Variants in RNF111 observed in about 807,000 individuals in gnomAD.
RNF111 encodes the protein ring finger protein 111.
RNF111 carries 17 observed loss-of-function variants against 95.1 expected under a neutral mutation model. The observed-to-expected ratio is 0.18, with a 90% CI of 0.12 to 0.27. The LOEUF is 0.27. RNF111 is among the 10% of genes least tolerant of loss of function. The pLI is 1.00. For missense variants in RNF111, 1,189 were observed against 1,210.4 expected (o/e 0.98, Z 0.26); for synonymous variants, 440 against 414.8 (o/e 1.06, Z -0.74).
chr15:59,007,065 C>T (rs574086553), intron 1 of RNF111, among the ~76,000 whole-genome samples: 35 of 152,342 alleles, frequency 2.3e-4, no homozygotes, highest in African/African-American at 7.9e-4. Context: ...GAATTCCAGG[C>T]TGTTTACAGT....
chr15:59,046,437 C>T (rs2041713259), intron 2 of RNF111, among the ~76,000 whole-genome samples: 1 of 152,192 alleles, frequency 6.6e-6, no homozygotes, highest in South Asian at 2.1e-4. Flanking sequence ...AAGTGATCTG[C>T]CCACCTCAGC....
At position 59,030,983 on chromosome 15, in the gene RNF111, A is replaced by G; in HGVS notation, c.161A>G (p.Glu54Gly). ...GAAKSFPAGV[E>G]MINSKVGNEF... ...GCCAAAAGTTTTCCTGCAGGAGTTGAGATGATTAATAGTAAAGTGGGGAAT... is the reference window on the plus strand; with the variant it reads ...GCCAAAAGTTTTCCTGCAGGAGTTGGGATGATTAATAGTAAAGTGGGGAAT... Residue 54 changes from glutamate to glycine, a missense_variant, in exon 2 of 14, where the codon GAG (glutamate) becomes GGG (glycine). This residue lies in a region of RNF111 where 1,024 missense variants were observed against 925.9 expected (regional missense o/e 1.11). Transcript: ENST00000348370. 1 of 1,614,184 alleles carries G rather than the reference A, an allele frequency of 6.2e-7. No individual in the cohort carries two copies. The highest frequency in any genetic ancestry group is 1.1e-5 in the South Asian group (1 of 91,082).
intron 6 of RNF111, among the ~76,000 whole-genome samples, chr15:59,068,060 T>C (rs2042743457): frequency 6.6e-6 from 1 of 152,200 alleles, no homozygotes; most frequent in Admixed American, 6.5e-5. Context: ...ACTTTAACTT[T>C]TGTTATGTCA....
At chr15:59,082,772 T>C (rs2078784490) in intron 8 of RNF111, among the ~76,000 whole-genome samples, 1 of 152,246 alleles carries the variant, frequency 6.6e-6, no homozygotes, top group African/African-American at 2.4e-5. Context: ...ATCTAATTAA[T>C]GATCCAGCTC....
At chr15:59,061,186 T>G (rs1253705583) in intron 5 of RNF111, among the ~76,000 whole-genome samples, 1 of 152,216 alleles carries the variant, frequency 6.6e-6, no homozygotes, top group African/African-American at 2.4e-5. Context: ...TATAAATCTT[T>G]GTTCATTCAC....
chr15:59,080,114 C>CTTTTTTTTTTT (rs1194255542), intron 7 of RNF111, among the ~76,000 whole-genome samples: 2 of 85,446 alleles, frequency 2.3e-5, no homozygotes, highest in Non-Finnish European at 4.2e-5. Context: ...TTGTGTGCTC[C>CTTTTTTTTTTT]TTTTTTTTTT....
chr15:59,039,208 C>G (rs1293937662), intron 2 of RNF111, among the ~76,000 whole-genome samples: 7 of 152,168 alleles, frequency 4.6e-5, no homozygotes, highest in Admixed American at 3.9e-4. Flanking sequence ...AGGTCATCTG[C>G]CCGCCTTGGC....
At chr15:58,998,247 T>G (rs1445064022) in intron 1 of RNF111, among the ~76,000 whole-genome samples, 2 of 151,888 alleles carry the variant, frequency 1.3e-5, no homozygotes, top group Non-Finnish European at 2.9e-5. Context: ...ATGGGAAGTT[T>G]TTTTTTTTTT....
intron 1 of RNF111, among the ~76,000 whole-genome samples, chr15:59,006,011 A>G (rs1255509238): frequency 1.3e-5 from 2 of 152,210 alleles, no homozygotes; most frequent in Non-Finnish European, 2.9e-5. Flanking sequence ...TTAGGAAGTC[A>G]CTATTTCTGT....
chr15:58,989,318 C>T (rs2038705259), intron 1 of RNF111, among the ~76,000 whole-genome samples: 2 of 152,162 alleles, frequency 1.3e-5, no homozygotes, highest in African/African-American at 2.4e-5. Context: ...GTTTCTAAAG[C>T]CTTGATTTAT....
chr15:59,072,907 G>A (rs535539980), intron 6 of RNF111, among the ~76,000 whole-genome samples: 2 of 149,842 alleles, frequency 1.3e-5, no homozygotes, highest in East Asian at 2.0e-4. Context: ...AACACTTCCA[G>A]CTGGGCATGC....
At chr15:59,088,981 A>G (rs1210826892) in intron 10 of RNF111, among the ~76,000 whole-genome samples, 5 of 152,186 alleles carry the variant, frequency 3.3e-5, no homozygotes, top group Non-Finnish European at 7.4e-5. Flanking sequence ...ACGTGGCACT[A>G]AACAGTCTGC....
rs776536752 is a variant in RNF111, at chr15:58,987,699, A to AGGC, written c.-375_-373dup. ...CTCCTCGGTAGGGGAGGAATTGGTTAGGCGGCGGCGGCGGCGAAGCGGCGG... is the reference window on the plus strand; with the variant it reads ...CTCCTCGGTAGGGGAGGAATTGGTTAGGCGGCGGCGGCGGCGGCGAAGCGGCGG... On this transcript the variant is annotated 5_prime_UTR_variant, in exon 1 of 14. Coordinates refer to ENST00000348370, the MANE Select transcript of RNF111 (RefSeq NM_017610.8). The AGGC allele has an allele frequency of 6.1e-5, 11 of 179,070 alleles. No homozygotes were observed. Among genetic ancestry groups the AGGC allele is most frequent in the African/African-American group, 1.2e-4 (5 of 41,638 alleles). 11.1% of individuals were successfully genotyped at this position (179,070 alleles called of 1,614,324 possible).
intron 4 of RNF111, among the ~76,000 whole-genome samples, chr15:59,057,455 C>T (rs544909228): frequency 1.3e-5 from 2 of 152,226 alleles, no homozygotes; most frequent in South Asian, 4.1e-4. Flanking sequence ...GAAAGTCAAC[C>T]CTCTCATTCC....
intron 1 of RNF111, among the ~76,000 whole-genome samples, chr15:59,003,105 G>A (rs1379018663): frequency 4.6e-5 from 7 of 152,114 alleles, no homozygotes; most frequent in African/African-American, 1.7e-4. Context: ...TGATCCTACT[G>A]CCTGTTTAAT....
At chr15:59,040,561 A>G (rs1285712426) in intron 2 of RNF111, among the ~76,000 whole-genome samples, 1 of 152,130 alleles carries the variant, frequency 6.6e-6, no homozygotes, top group African/African-American at 2.4e-5. Context: ...GTTGTTTTAT[A>G]TTTGTATTTG....
intron 11 of RNF111, among the ~76,000 whole-genome samples, 180 bp downstream of exon 11, chr15:59,089,939 A>G (rs78714746): frequency 6.6e-6 from 1 of 152,160 alleles, no homozygotes; most frequent in Non-Finnish European, 1.5e-5. Context: ...CTTAGGGTCA[A>G]AAGTTACCGA....
intron 6 of RNF111, among the ~76,000 whole-genome samples, chr15:59,067,740 G>T (rs1371866757): frequency 6.6e-6 from 1 of 152,102 alleles, no homozygotes; most frequent in Non-Finnish European, 1.5e-5. Context: ...TAAACAAATT[G>T]TTGAAACTCT....
intron 1 of RNF111, among the ~76,000 whole-genome samples, chr15:59,029,792 T>C (rs1384561932): frequency 1.3e-5 from 2 of 152,216 alleles, no homozygotes; most frequent in Non-Finnish European, 2.9e-5. Context: ...TTATGTTGTT[T>C]ATCTGTGTGC....
Sources: allele counts gnomAD v4.1 joint callset (sites outside exome capture counted in the v4.1 genomes callset), GRCh38; gene constraint gnomAD v4.1.1; regional missense constraint gnomAD v4.1.1; transcripts MANE v1.5; gene names NCBI Gene and HGNC (gene_info 2026-07-23, HGNC 2026-07-21).